Variants in LYPLA1 observed in about 807,000 individuals in gnomAD.
LYPLA1 encodes lysophospholipase 1.
LYPLA1 carries 17 observed loss-of-function variants against 34.0 expected under a neutral mutation model. The observed-to-expected ratio is 0.50, with a 90% CI of 0.34 to 0.75. The LOEUF is 0.75. Ranked by LOEUF, LYPLA1 falls within the 30% of genes least tolerant of loss-of-function variation. The pLI is 0.01. For missense variants in LYPLA1, 203 were observed against 288.8 expected, an observed-to-expected ratio of 0.70 and a Z score of 2.15; for synonymous variants, 98 against 100.8, an observed-to-expected ratio of 0.97 and a Z score of 0.17.
chr8:54,057,069 A>G (rs182395758), intron 5 of LYPLA1, among the ~76,000 whole-genome samples: 2 of 152,298 alleles, frequency 1.3e-5, no homozygotes, highest in African/African-American at 4.8e-5. Flanking sequence ...GTCTCACCCC[A>G]GTTAAAATGG....
intron 2 of LYPLA1, chr8:54,073,077 C>CA (rs1041391690): frequency 8.6e-6 from 5 of 581,086 alleles, no homozygotes; most frequent in African/African-American, 7.5e-5. Context: ...ATCAAAAAGT[C>CA]AAAAAAGGTC....
At chr8:54,061,170 T>A (rs1806600642) in intron 5 of LYPLA1, among the ~76,000 whole-genome samples, 1 of 151,994 alleles carries the variant, frequency 6.6e-6, no homozygotes, top group Admixed American at 6.6e-5. Flanking sequence ...AACCTCTGCC[T>A]CCTGGGTTCA....
At chr8:54,060,408 A>G (rs951406147) in intron 5 of LYPLA1, among the ~76,000 whole-genome samples, 2 of 151,950 alleles carry the variant, frequency 1.3e-5, no homozygotes, top group African/African-American at 4.8e-5. Context: ...TACAGGTGTG[A>G]GCCACCGTGC....
At chr8:54,097,614 C>T (rs1181620448) in intron 2 of LYPLA1, among the ~76,000 whole-genome samples, 1 of 152,068 alleles carries the variant, frequency 6.6e-6, no homozygotes, top group Non-Finnish European at 1.5e-5. Flanking sequence ...TACCCTAGTC[C>T]TTCTCACCCA....
intron 2 of LYPLA1, among the ~76,000 whole-genome samples, chr8:54,091,618 AAGGAAGG>A (rs1809288846): frequency 6.8e-6 from 1 of 147,150 alleles, no homozygotes; most frequent in South Asian, 2.2e-4. Context: ...GGAAGGAAGG[AAGGAAGG>A]AGAAATACTA....
intron 2 of LYPLA1, among the ~76,000 whole-genome samples, chr8:54,093,584 T>A (rs1809468425): frequency 6.6e-6 from 1 of 152,240 alleles, no homozygotes; most frequent in African/African-American, 2.4e-5. Flanking sequence ...AATGAATTTC[T>A]GTTGTTTTTA....
intron 2 of LYPLA1, among the ~76,000 whole-genome samples, chr8:54,068,861 A>C (rs1329683644): frequency 6.6e-6 from 1 of 152,222 alleles, no homozygotes; most frequent in East Asian, 1.9e-4. Flanking sequence ...TTCAAAGGAC[A>C]CTATGAAGAA....
Position 54,051,152 on chromosome 8 carries a change from G to A in LYPLA1, c.499C>T (p.Leu167Phe). 1.2e-6 allele frequency: 2 copies of A among 1,613,850 alleles called. No homozygotes were observed. Among genetic ancestry groups the A allele is most frequent in the Non-Finnish European group, 1.7e-6 (2 of 1,179,892 alleles). ...GGGTCACAATCCCCGTGGCACTGGA[G>A]AATAGAAATATCTCTATTAGCACCA... Reference protein sequence around the residue: ...IGGANRDISILQCHGDCDPLV... With the variant: ...IGGANRDISIFQCHGDCDPLV... The change falls in exon 8 of 9, where the codon CTC becomes TTC. Residue 167 changes from leucine to phenylalanine, a missense_variant. Physicochemically the swap from Leu to Phe is conservative, Grantham distance 22. Coordinates refer to ENST00000316963, the MANE Select transcript of LYPLA1 (RefSeq NM_006330.4).
At chr8:54,070,472 C>A (rs1807379263) in intron 2 of LYPLA1, among the ~76,000 whole-genome samples, 1 of 152,180 alleles carries the variant, frequency 6.6e-6, no homozygotes, top group African/African-American at 2.4e-5. Context: ...ACGGTAATCC[C>A]AGCACTTTGG....
Position 54,065,768 on chromosome 8 carries a change from G to C in LYPLA1, c.147C>G (p.Ile49Met). ...CTCACGCATGCGGGCAGATATATTTGATATGTGAACTTCTGATACCTGCAA... is the reference window on the plus strand; with the variant it reads ...CTCACGCATGCGGGCAGATATATTTCATATGTGAACTTCTGATACCTGCAA... ...EAFAGIRSSH[I>M]KYICPHAPVR... Residue 49 changes from isoleucine to methionine, a missense_variant, in exon 3 of 9, where the codon ATC becomes ATG. Ile to Met is a conservative substitution (Grantham distance 10). Coordinates refer to ENST00000316963, the MANE Select transcript of LYPLA1 (RefSeq NM_006330.4). The C allele has an allele frequency of 6.2e-7, 1 of 1,613,842 alleles. No homozygotes were observed.
At chr8:54,085,854 G>C (rs181261280) in intron 2 of LYPLA1, among the ~76,000 whole-genome samples, 2 of 147,476 alleles carry the variant, frequency 1.4e-5, no homozygotes, top group African/African-American at 5.0e-5. Context: ...TCCGCGAGGT[G>C]GGGGGGGCGC....
At chr8:54,088,917 T>C (rs1808995519) in intron 2 of LYPLA1, among the ~76,000 whole-genome samples, 1 of 152,198 alleles carries the variant, frequency 6.6e-6, no homozygotes, top group Non-Finnish European at 1.5e-5. Flanking sequence ...TACTGGTACA[T>C]GTTACAAAAT....
At chr8:54,093,209 G>A (rs546225896) in intron 2 of LYPLA1, among the ~76,000 whole-genome samples, 16 of 152,324 alleles carry the variant, frequency 1.1e-4, no homozygotes, top group African/African-American at 3.8e-4. Context: ...CCAGGGAAAG[G>A]TAGTGAGAAT....
chr8:54,062,000 C>T (rs963548180), intron 5 of LYPLA1, among the ~76,000 whole-genome samples: 2 of 152,020 alleles, frequency 1.3e-5, no homozygotes, highest in South Asian at 2.1e-4. Flanking sequence ...GGATTACAGG[C>T]GCCCACCACC....
chr8:54,048,540 A>G (rs1805627310), intron 8 of LYPLA1, among the ~76,000 whole-genome samples: 1 of 152,226 alleles, frequency 6.6e-6, no homozygotes, highest in African/African-American at 2.4e-5. Context: ...TGTCTTTCAT[A>G]AAGAATTACA....
chr8:54,088,492 C>T lies in LYPLA1; in HGVS notation c.101+12416G>A, dbSNP rs139268950. ...ATGGCGAGAAATCAGAGCACTCACA[C>T]ACTGCTGGCCATTTATCTTGGCAGA... is the stretch of plus-strand genomic sequence containing the variant. On this transcript the variant is annotated intron_variant, in intron 2 of 8. Transcript: ENST00000316963. Among the ~76,000 whole-genome samples, 216 of 152,294 alleles carry T rather than the reference C, an allele frequency of 1.4e-3. 1 individual carries two copies. Among genetic ancestry groups the T allele is most frequent in the Non-Finnish European group, 2.6e-3 (174 of 68,032 alleles).
chr8:54,096,216 T>C (rs1809672017), intron 2 of LYPLA1, among the ~76,000 whole-genome samples: 1 of 152,216 alleles, frequency 6.6e-6, no homozygotes, highest in African/African-American at 2.4e-5. Context: ...TAAATGTTAT[T>C]TCTGCAACTT....
intron 2 of LYPLA1, among the ~76,000 whole-genome samples, chr8:54,069,543 G>A (rs1313953525): frequency 1.3e-5 from 2 of 151,960 alleles, no homozygotes; most frequent in African/African-American, 2.4e-5. Flanking sequence ...GTGAAACCCC[G>A]TCTCTACTAA....
intron 3 of LYPLA1, 70 bp from the exon 4 acceptor site, chr8:54,063,445 AAAACAG>A: frequency 1.1e-6 from 1 of 951,886 alleles, no homozygotes; most frequent in Non-Finnish European, 1.6e-6. Context: ...CCATTAATCA[AAAACAG>A]ATAATTGCTT....
Sources: gnomAD v4.1 joint callset for allele counts (sites outside exome capture counted in the v4.1 genomes callset) on GRCh38, gnomAD v4.1.1 for gene constraint, MANE v1.5 for transcripts, NCBI Gene and HGNC (gene_info 2026-07-23, HGNC 2026-07-21) for gene names.